The following NAV2 variants were observed in gnomAD, a reference collection of about 807,000 sequenced individuals.
NAV2 encodes neuron navigator 2.
NAV2 carries 54 observed loss-of-function variants against 223.2 expected under a neutral mutation model. That is an observed-to-expected ratio of 0.24 (90% CI 0.19 to 0.30). The LOEUF (loss-of-function observed/expected upper bound fraction) is 0.30, where lower values mean the gene tolerates loss of function less well. NAV2 is among the 10% of genes least tolerant of loss of function. NAV2 has a pLI of 1.00. For synonymous variants in NAV2, 1,279 were observed against 1,239.3 expected, an observed-to-expected ratio of 1.03 and a Z score of -0.67; for missense variants, 2,806 against 3,147.5, an observed-to-expected ratio of 0.89 and a Z score of 2.60.
rs780559920 is a variant in NAV2 at position 19,992,583 on chromosome 11, CT to C, written c.2768+8358del. 6.5e-3 allele frequency among the ~76,000 whole-genome samples: 673 copies of C among 103,530 alleles called. 3 individuals carry two copies. The highest frequency in any genetic ancestry group is 0.022 in the African/African-American group (590 of 27,262). The allele number at this position is 103,530 out of a possible 152,430, so 67.9% of individuals were successfully genotyped here. On this transcript the variant is annotated intron_variant, in intron 11 of 37. Transcript: ENST00000349880. Reference sequence around the variant, plus strand: ...AGAGTATAATCATGCTCCTGAAGTACTTTTTTTTTTTTTTTTTTTTTTGAGA... The same window carrying C: ...AGAGTATAATCATGCTCCTGAAGTACTTTTTTTTTTTTTTTTTTTTTGAGA...
intron 1 of NAV2, among the ~76,000 whole-genome samples, chr11:19,403,517 C>A (rs937658835): frequency 1.3e-5 from 2 of 152,192 alleles, no homozygotes; most frequent in African/African-American, 4.8e-5. Context: ...AAAGGAACAA[C>A]TTGTTCAAAG....
intron 20 of NAV2, among the ~76,000 whole-genome samples, chr11:20,067,159 G>A (rs1480846185): frequency 6.6e-6 from 1 of 152,132 alleles, no homozygotes; most frequent in Non-Finnish European, 1.5e-5. Context: ...ACAGGTAATT[G>A]GGGTCCTTGA....
At chr11:19,706,389 G>A (rs1426678680) in intron 1 of NAV2, among the ~76,000 whole-genome samples, 1 of 152,058 alleles carries the variant, frequency 6.6e-6, no homozygotes, top group Non-Finnish European at 1.5e-5. Context: ...ATTACTTTAG[G>A]TTTTTTGTTA....
chr11:19,825,428 A>G (rs1434146059), intron 1 of NAV2, among the ~76,000 whole-genome samples: 2 of 152,174 alleles, frequency 1.3e-5, no homozygotes, highest in Non-Finnish European at 2.9e-5. Flanking sequence ...CTCAGATGCT[A>G]AACGACTGGT....
intron 4 of NAV2, among the ~76,000 whole-genome samples, chr11:19,869,781 T>C (rs1457059511): frequency 1.3e-5 from 2 of 152,190 alleles, no homozygotes; most frequent in African/African-American, 2.4e-5. Context: ...CTAGTGAGAC[T>C]GCTTTTTGAA....
chr11:20,094,125 C>G (rs536834123), intron 29 of NAV2, among the ~76,000 whole-genome samples: 1 of 151,706 alleles, frequency 6.6e-6, no homozygotes, highest in South Asian at 2.1e-4. Context: ...TTAGCGTCAT[C>G]TAGCCATGAA....
At chr11:19,640,613 A>G (rs1042115415) in intron 1 of NAV2, among the ~76,000 whole-genome samples, 5 of 152,292 alleles carry the variant, frequency 3.3e-5, no homozygotes, top group Admixed American at 2.0e-4. Context: ...CCCATCTTCT[A>G]TGCCTGAGAG....
At chr11:19,538,841 T>C (rs1296950845) in intron 1 of NAV2, among the ~76,000 whole-genome samples, 2 of 152,004 alleles carry the variant, frequency 1.3e-5, no homozygotes, top group African/African-American at 4.8e-5. Flanking sequence ...CTCCAATGGG[T>C]AACATCTTGC....
In NAV2 at chr11:19,722,805, C is replaced by T. The variant is rs2050865753; in HGVS notation, c.267+8843C>T. ...GAGAAGGTCATGTGATGGTGGGTGG[C>T]CAAGCGTAGGAGACAGAGACACAGA... On this transcript the variant is annotated intron_variant, in intron 1 of 37. Transcript: ENST00000349880. Among the ~76,000 whole-genome samples the T allele has an allele frequency of 2.0e-5, 3 of 152,112 alleles. No individual in the cohort carries two copies. In the South Asian group the frequency reaches 6.2e-4, roughly 32 times the overall value.
At chr11:19,654,260 G>A (rs566658670) in intron 1 of NAV2, among the ~76,000 whole-genome samples, 23 of 152,238 alleles carry the variant, frequency 1.5e-4, no homozygotes, top group African/African-American at 5.3e-4. Context: ...ACAAATGGAA[G>A]AACATTCCAT....
At position 20,090,716 on chromosome 11, in the gene NAV2, A is replaced by T. The variant is rs1001243756; in HGVS notation, c.5499-149A>T. 5 of 673,276 alleles carry T rather than the reference A, an allele frequency of 7.4e-6. No individual in the cohort carries two copies. In the East Asian group the frequency reaches 1.4e-4, roughly 19 times the overall value. 41.7% of individuals were successfully genotyped at this position (673,276 alleles called of 1,614,324 possible). On this transcript the variant is annotated intron_variant, in intron 26 of 37. Transcript: ENST00000349880. Reference sequence around the variant, plus strand: ...CAGAGAAGGAATAAAATCTGTTTTCAGGTGCTTTTGGCATTGTCACCCACA... The same window carrying T: ...CAGAGAAGGAATAAAATCTGTTTTCTGGTGCTTTTGGCATTGTCACCCACA...
intron 22 of NAV2, among the ~76,000 whole-genome samples, chr11:20,075,140 C>T (rs1270196341): frequency 2.0e-5 from 3 of 152,088 alleles, no homozygotes; most frequent in Admixed American, 1.3e-4. Context: ...TGTTTTGCCA[C>T]ACTCTCCAGG....
intron 5 of NAV2, among the ~76,000 whole-genome samples, chr11:19,881,663 G>A (rs1487029003): frequency 6.6e-6 from 1 of 152,182 alleles, no homozygotes; most frequent in Admixed American, 6.5e-5. Context: ...GCACTTGGGA[G>A]TCAAGAATGA....
intron 1 of NAV2, among the ~76,000 whole-genome samples, chr11:19,827,080 T>C (rs182192043): frequency 1.3e-5 from 2 of 152,168 alleles, no homozygotes; most frequent in African/African-American, 4.8e-5. Context: ...TTAAGCTGGG[T>C]GAGATGGCCT....
chr11:20,001,879 C>T (rs765307543), intron 11 of NAV2, among the ~76,000 whole-genome samples: 7 of 152,048 alleles, frequency 4.6e-5, no homozygotes, highest in Non-Finnish European at 1.0e-4. Flanking sequence ...GGGCAAGCCT[C>T]CCTGAGATGA....
At chr11:19,691,960 A>G (rs1048112954) in intron 1 of NAV2, among the ~76,000 whole-genome samples, 2 of 152,268 alleles carry the variant, frequency 1.3e-5, no homozygotes, top group Middle Eastern at 3.4e-3. Context: ...CACTTTCCAC[A>G]TGGCTCAGGC....
chr11:19,881,168 T>C (rs1360632243), intron 5 of NAV2, among the ~76,000 whole-genome samples: 2 of 152,170 alleles, frequency 1.3e-5, no homozygotes, highest in Non-Finnish European at 2.9e-5. Flanking sequence ...CCTTCTTTTT[T>C]CCCCATGAGA....
intron 1 of NAV2, among the ~76,000 whole-genome samples, chr11:19,824,655 G>A (rs139087888): frequency 5.3e-5 from 8 of 152,244 alleles, no homozygotes; most frequent in South Asian, 4.1e-4. Context: ...ACATTAAACC[G>A]TTAAGGAGAG....
At chr11:19,780,577 A>G (rs2056648096) in intron 1 of NAV2, among the ~76,000 whole-genome samples, 1 of 152,282 alleles carries the variant, frequency 6.6e-6, no homozygotes, top group Non-Finnish European at 1.5e-5. Context: ...AGAGCTCTGC[A>G]CAGGAGCCAC....
Sources: allele counts gnomAD v4.1 joint callset (sites outside exome capture counted in the v4.1 genomes callset), GRCh38; gene constraint gnomAD v4.1.1; transcripts MANE v1.5; gene names NCBI Gene and HGNC (gene_info 2026-07-23, HGNC 2026-07-21).